WNT10A: variants seen among roughly 807,000 people sequenced by gnomAD.
The protein encoded by WNT10A is protein Wnt-10a.
WNT10A carries 37 observed loss-of-function variants against 36.1 expected under a neutral mutation model. That is an observed-to-expected ratio of 1.02 (90% CI 0.79 to 1.35). WNT10A has a LOEUF of 1.35. WNT10A is among the 40% of genes most tolerant of loss of function. WNT10A has a pLI of 0.00. For missense variants in WNT10A, 613 were observed against 601.4 expected (o/e 1.02, Z -0.20); for synonymous variants, 255 against 254.1 (o/e 1.00, Z -0.03).
chr2:218,881,360 G>T (rs78489160), intron 1 of WNT10A, among the ~76,000 whole-genome samples: 3 of 151,620 alleles, frequency 2.0e-5, no homozygotes, highest in Admixed American at 1.3e-4. Context: ...AGGTGTGTGT[G>T]GGGGGGGAGC....
At chr2:218,891,951 G>A (rs1944655294) in intron 3 of WNT10A, among the ~76,000 whole-genome samples, 1 of 152,134 alleles carries the variant, frequency 6.6e-6, no homozygotes, top group African/African-American at 2.4e-5. Flanking sequence ...AGACTCTAGA[G>A]CAGGTTGTGA....
upstream of WNT10A, among the ~76,000 whole-genome samples, chr2:218,877,996 T>A (rs1474423786): frequency 6.6e-6 from 1 of 152,182 alleles, no homozygotes; most frequent in East Asian, 1.9e-4. The surrounding 1 kb of genome is among the most constrained non-coding windows in gnomAD (Gnocchi z 4.1). Flanking sequence ...TTCCTCCCTG[T>A]GACCTTCTCC....
At chr2:218,892,252 A>G (rs890105739) in intron 3 of WNT10A, among the ~76,000 whole-genome samples, 5 of 151,208 alleles carry the variant, frequency 3.3e-5, no homozygotes, top group African/African-American at 1.2e-4. Context: ...AAGGACTGAG[A>G]GGGGGACCAA....
intron 1 of WNT10A, among the ~76,000 whole-genome samples, chr2:218,881,810 T>C (rs1441536714): frequency 6.6e-6 from 1 of 152,166 alleles, no homozygotes; most frequent in Non-Finnish European, 1.5e-5. Context: ...TATGTGAATG[T>C]GACTGAAACA....
chr2:218,893,155 G>A lies in WNT10A; in HGVS notation c.1138G>A (p.Gly380Ser). 2 of 1,589,824 alleles carry A rather than the reference G, an allele frequency of 1.3e-6. No individual in the cohort carries two copies. Among genetic ancestry groups the A allele is most frequent in the Non-Finnish European group, 1.7e-6 (2 of 1,175,488 alleles). ...CTGCGGCAGCATGTGCTGCGGCCGC[G>A]GCCACAACATCCTGCGCCAGACGCG... Reference protein sequence around the residue: ...DGCGSMCCGRGHNILRQTRSE... With the variant: ...DGCGSMCCGRSHNILRQTRSE... Residue 380 changes from glycine (G) to serine (S), a missense_variant, in exon 4 of 4, where the codon GGC (glycine) becomes AGC (serine). Coordinates refer to ENST00000258411, the MANE Select transcript of WNT10A (RefSeq NM_025216.3). This position sits in a 1 kb window ranked among gnomAD's most constrained non-coding sequence, Gnocchi z 6.3.
At chr2:218,875,034 C>A in the WNT10A span, among the ~76,000 whole-genome samples, 9 of 151,954 alleles carry the variant, frequency 5.9e-5, no homozygotes, top group Admixed American at 5.3e-4. Context: ...TCCAAGAAGC[C>A]CCCACTCACA....
chr2:218,880,486 G>T (rs929988862), upstream of WNT10A: 178 of 158,794 alleles, frequency 1.1e-3, 2 homozygotes, highest in East Asian at 0.029. This position sits in a 1 kb window ranked among gnomAD's most constrained non-coding sequence, Gnocchi z 7.7. Flanking sequence ...TAAATGGCGG[G>T]GGGGTGGGGG....
the WNT10A span, among the ~76,000 whole-genome samples, chr2:218,875,290 G>GC: frequency 8.5e-5 from 12 of 141,942 alleles, no homozygotes; most frequent in Non-Finnish European, 1.5e-4. Context: ...CTGGGTTCAT[G>GC]CCATTCTCCT....
At chr2:218,875,332 G>A in the WNT10A span, among the ~76,000 whole-genome samples, 2 of 151,138 alleles carry the variant, frequency 1.3e-5, 1 homozygote, top group Admixed American at 1.3e-4. Context: ...GGGACTACAG[G>A]CGCCCACCAC....
upstream of WNT10A, chr2:218,880,739 A>C: frequency 1.7e-5 from 7 of 421,926 alleles, no homozygotes; most frequent in Non-Finnish European, 2.5e-5. This position sits in a 1 kb window ranked among gnomAD's most constrained non-coding sequence, Gnocchi z 7.7. Flanking sequence ...GGCCTCGGGA[A>C]ATTCCCCGGA....
chr2:218,877,456 C>T (rs1398891052), upstream of WNT10A, among the ~76,000 whole-genome samples: 1 of 152,190 alleles, frequency 6.6e-6, no homozygotes, highest in Non-Finnish European at 1.5e-5. This position sits in a 1 kb window ranked among gnomAD's most constrained non-coding sequence, Gnocchi z 4.1. Context: ...TGCCCTGCTG[C>T]CTGGGAAGGG....
chr2:218,893,426 G>C lies in WNT10A; in HGVS notation c.*155G>C. The C allele has an allele frequency of 8.8e-7, 1 of 1,130,914 alleles. No homozygotes were observed. The highest frequency in any genetic ancestry group is 2.6e-5 in the East Asian group (1 of 38,198). The allele number at this position is 1,130,914 out of a possible 1,614,324, so 70.1% of individuals were successfully genotyped here. On this transcript the variant is annotated 3_prime_UTR_variant, in exon 4 of 4. Transcript: ENST00000258411. The surrounding 1 kb of genome is among the most constrained non-coding windows in gnomAD (Gnocchi z 6.3). ...GGAACCCCTCAGCTCTGAGGTCTGT[G>C]ATCGCCGGACAGTCCAGGCCTGTCT...
chr2:218,875,219 C>T, the WNT10A span, among the ~76,000 whole-genome samples: 4 of 92,756 alleles, frequency 4.3e-5, no homozygotes, highest in African/African-American at 3.9e-5. Context: ...GATGGAGTCT[C>T]GCTCTGTTGC....
At chr2:218,888,415 G>C (rs1046616711) in intron 2 of WNT10A, among the ~76,000 whole-genome samples, 2 of 152,246 alleles carry the variant, frequency 1.3e-5, no homozygotes, top group East Asian at 3.8e-4. Flanking sequence ...TGGCCAGGCC[G>C]GCCTAGCCGC....
intron 2 of WNT10A, chr2:218,884,289 GC>G (rs1944554764): frequency 1.3e-5 from 2 of 150,692 alleles, no homozygotes; most frequent in African/African-American, 4.9e-5. Context: ...GGTGCCAGGC[GC>G]TCCCGGGTTC....
intron 2 of WNT10A, among the ~76,000 whole-genome samples, chr2:218,885,266 A>G (rs765420427): frequency 6.6e-6 from 1 of 152,238 alleles, no homozygotes; most frequent in Non-Finnish European, 1.5e-5. Context: ...TGCTTCACCT[A>G]GTCCAGGAGC....
chr2:218,879,071 C>T (rs1192827094), upstream of WNT10A, among the ~76,000 whole-genome samples: 2 of 151,574 alleles, frequency 1.3e-5, no homozygotes, highest in Non-Finnish European at 1.5e-5. Flanking sequence ...GACTGCTCCC[C>T]CCCCACTGCC....
At chr2:218,878,401 T>G (rs1944472313), upstream of WNT10A, among the ~76,000 whole-genome samples, 1 of 151,288 alleles carries the variant, frequency 6.6e-6, no homozygotes, top group South Asian at 2.1e-4. This position sits in a 1 kb window ranked among gnomAD's most constrained non-coding sequence, Gnocchi z 4.1. Flanking sequence ...GGCTTTTTTG[T>G]TTTTTTTTAA....
At position 218,893,337 on chromosome 2, in the gene WNT10A, G is replaced by C. The variant is rs1199948897; in HGVS notation, c.*66G>C. On this transcript the variant is annotated 3_prime_UTR_variant, in exon 4 of 4. Transcript: ENST00000258411. This position sits in a 1 kb window ranked among gnomAD's most constrained non-coding sequence, Gnocchi z 6.3. ...TGGAGCCTGGCCCTCTGAGGCTTAC[G>C]GTCTTGGCAAGGCAGCATCGCCTTG... is the stretch of plus-strand genomic sequence containing the variant. 2.0e-6 allele frequency: 3 copies of C among 1,497,282 alleles called. No individual in the cohort carries two copies. The highest frequency in any genetic ancestry group is 2.2e-5 in the Admixed American group (1 of 44,676). The allele number at this position is 1,497,282 out of a possible 1,614,324, so 92.7% of individuals were successfully genotyped here.
Sources: gnomAD v4.1 joint callset for allele counts (sites outside exome capture counted in the v4.1 genomes callset) on GRCh38, gnomAD v4.1.1 for gene constraint, Gnocchi (gnomAD v3.1) non-coding constraint, MANE v1.5 for transcripts, NCBI Gene and HGNC (gene_info 2026-07-23, HGNC 2026-07-21) for gene names.